The following POSTN variants were observed in gnomAD, a reference collection of about 807,000 sequenced individuals.
POSTN encodes the protein osteoblast specific factor 2 (fasciclin I-like).
A neutral mutation model predicts 104.5 loss-of-function variants in POSTN; 71 were observed. That is an observed-to-expected ratio of 0.68 (90% CI 0.56 to 0.83). The LOEUF (loss-of-function observed/expected upper bound fraction) is 0.83. Ranked by LOEUF, POSTN falls within the 40% of genes least tolerant of loss-of-function variation. The pLI is 0.00. For missense variants in POSTN, 949 were observed against 1,006.8 expected (o/e 0.94, Z 0.78); for synonymous variants, 355 against 340.7 (o/e 1.04, Z -0.46).
intron 3 of POSTN, among the ~76,000 whole-genome samples, chr13:37,591,546 T>C (rs1950935047): frequency 6.6e-6 from 1 of 152,122 alleles, no homozygotes; most frequent in Non-Finnish European, 1.5e-5. Flanking sequence ...AAAGTCTGTG[T>C]CATATTAAAA....
rs1198306087 is a variant in POSTN at position 37,588,006 on chromosome 13, T to C, written c.442-20A>G. The C allele has an allele frequency of 6.4e-7, 1 of 1,559,732 alleles. No homozygotes were observed. The highest frequency in any genetic ancestry group is 2.3e-5 in the East Asian group (1 of 43,772). ...GATATCCTAGGAAAAATTGCAATGATAGAAATTCAATTTATTGTGGAACAT... is the reference window on the plus strand; with the variant it reads ...GATATCCTAGGAAAAATTGCAATGACAGAAATTCAATTTATTGTGGAACAT... On this transcript the variant is annotated intron_variant, in intron 4 of 22. Coordinates refer to ENST00000379747, the MANE Select transcript of POSTN (RefSeq NM_006475.3).
chr13:37,577,514 T>C, intron 16 of POSTN, among the ~76,000 whole-genome samples: 1 of 152,358 alleles, frequency 6.6e-6, no homozygotes, highest in East Asian at 1.9e-4. Flanking sequence ...ACGCTAATAT[T>C]ATATTTTGCT....
intron 3 of POSTN, among the ~76,000 whole-genome samples, chr13:37,590,822 T>C (rs1217336147): frequency 6.6e-6 from 1 of 152,190 alleles, no homozygotes; most frequent in African/African-American, 2.4e-5. Flanking sequence ...TCAATAATAA[T>C]TCAATTATAA....
rs772494723 is a variant in POSTN, at chr13:37,574,642, A to G, written c.2019T>C (p.Ile673=). The G allele has an allele frequency of 5.0e-6, 8 of 1,598,040 alleles. No individual in the cohort carries two copies. In the South Asian group the frequency reaches 5.7e-5, roughly 11 times the overall value. The change falls in exon 17 of 23, where the codon ATT becomes ATC. Residue 673 remains isoleucine, a synonymous_variant. Transcript: ENST00000379747. ...TTTTTGGTTCCACAACTTTGGTTAT[A>G]ATTTTAGTTGCTGAAAGTATAGAAA... is the stretch of plus-strand genomic sequence containing the variant. ...EIPVTVYTTK[I]ITKVVEPKIK...
chr13:37,569,065 T>C, intron 21 of POSTN: 1 of 306,510 alleles, frequency 3.3e-6, no homozygotes, highest in East Asian at 5.4e-5. Flanking sequence ...AAAAAAATAT[T>C]CATTGCTCCC....
rs377143230 is a variant in POSTN at position 37,584,951 on chromosome 13, G to T, written c.896-23C>A. Reference sequence around the variant, plus strand: ...GAGCTGGAGAACACAATAAAAACAGGTAGCTTTCAGATCAAGGGAAATAAC... The same window carrying T: ...GAGCTGGAGAACACAATAAAAACAGTTAGCTTTCAGATCAAGGGAAATAAC... On this transcript the variant is annotated intron_variant, in intron 7 of 22. Transcript: ENST00000379747. 6.5e-5 allele frequency: 104 copies of T among 1,611,260 alleles called. No individual in the cohort carries two copies. In the South Asian group the frequency reaches 1.1e-3, roughly 17 times the overall value.
In POSTN at chr13:37,592,079, T is replaced by C. The variant is rs760480765; in HGVS notation, c.283+21A>G. 19 of 1,561,806 alleles carry C rather than the reference T, an allele frequency of 1.2e-5. No homozygotes were observed. The East Asian group carries it at 4.0e-4, about 33-fold the overall frequency. The stretch of plus-strand genomic sequence containing the variant: ...TCTTTGCATATAATTCCTTATTTAA[T>C]TCAAAAAATTGAGATTTTACCTGCT... On this transcript the variant is annotated intron_variant, in intron 3 of 22. Transcript: ENST00000379747.
At chr13:37,588,208 A>G (rs1313739087) in intron 4 of POSTN, among the ~76,000 whole-genome samples, 5 of 152,158 alleles carry the variant, frequency 3.3e-5, no homozygotes, top group Non-Finnish European at 7.4e-5. Context: ...AGTACTTAGA[A>G]CACAATTTTT....
At chr13:37,593,962 A>G (rs569091459) in intron 2 of POSTN, among the ~76,000 whole-genome samples, 8 of 151,938 alleles carry the variant, frequency 5.3e-5, no homozygotes, top group East Asian at 3.9e-4. Flanking sequence ...TAGATAGCTA[A>G]AAATACAGAC....
chr13:37,593,191 G>A (rs1950993840), intron 2 of POSTN, among the ~76,000 whole-genome samples: 1 of 150,334 alleles, frequency 6.7e-6, no homozygotes, highest in African/African-American at 2.4e-5. Flanking sequence ...AAGATATCAC[G>A]ATATACAAAA....
At position 37,570,036 on chromosome 13, in the gene POSTN, C is replaced by T. The variant is rs199691415; in HGVS notation, c.2270-215G>A. On this transcript the variant is annotated intron_variant, in intron 19 of 22. Transcript: ENST00000379747. ...ACTTTATTTCCATAAATGGGTGGCA[C>T]AAGCCACACTTGCTCACTAATTGTT... is the stretch of plus-strand genomic sequence containing the variant. Among the ~76,000 whole-genome samples the T allele has an allele frequency of 2.8e-3, 432 of 151,986 alleles. 1 individual carries two copies. Among genetic ancestry groups the T allele is most frequent in the African/African-American group, 9.9e-3 (413 of 41,516 alleles).
intron 22 of POSTN, among the ~76,000 whole-genome samples, chr13:37,563,873 G>A (rs773905711): frequency 2.0e-5 from 3 of 151,910 alleles, no homozygotes; most frequent in African/African-American, 7.2e-5. Context: ...GATAACTTAA[G>A]TGGAGGAATT....
At chr13:37,574,090 G>T (rs1301308751) in intron 17 of POSTN, among the ~76,000 whole-genome samples, 12 of 151,236 alleles carry the variant, frequency 7.9e-5, no homozygotes, top group African/African-American at 2.7e-4. Flanking sequence ...TCTCATGCGT[G>T]GTTGTAATTT....
At chr13:37,570,194 C>T (rs946405628) in intron 19 of POSTN, among the ~76,000 whole-genome samples, 2 of 151,922 alleles carry the variant, frequency 1.3e-5, no homozygotes, top group South Asian at 4.1e-4. Flanking sequence ...TTTGTATAAA[C>T]TTGCTTCTAT....
rs539317702 is a variant in POSTN, at chr13:37,576,830, C to A, written c.2008+923G>T. On this transcript the variant is annotated intron_variant, in intron 16 of 22. Coordinates refer to ENST00000379747, the MANE Select transcript of POSTN (RefSeq NM_006475.3). ...ATTGCATAATTGAAATCAACAACAG[C>A]AGCAGACATTTTGTTTTGCTCCTTA... Among the ~76,000 whole-genome samples, 31 of 152,034 alleles carry A rather than the reference C, an allele frequency of 2.0e-4. No homozygotes were observed. The South Asian group carries it at 6.4e-3, about 32-fold the overall frequency.
At chr13:37,580,068 A>G in intron 11 of POSTN, 77 bp from the exon 12 acceptor site, 1 of 1,337,748 alleles carries the variant, frequency 7.5e-7, no homozygotes, top group Non-Finnish European at 1.0e-6. Flanking sequence ...GTAATAGAAT[A>G]GAATCCATGT....
Position 37,569,281 on chromosome 13 carries a change from T to C in POSTN, c.2431+19A>G. On this transcript the variant is annotated intron_variant, in intron 21 of 22. Coordinates refer to ENST00000379747, the MANE Select transcript of POSTN (RefSeq NM_006475.3). ...CACTAGAACCTGTTAAGGGGGTTAGTTGTTGTCCTTTTACTAACCTCCCTG... is the reference window on the plus strand; with the variant it reads ...CACTAGAACCTGTTAAGGGGGTTAGCTGTTGTCCTTTTACTAACCTCCCTG... 1 of 1,579,296 alleles carries C rather than the reference T, an allele frequency of 6.3e-7. No homozygotes were observed. The highest frequency in any genetic ancestry group is 1.1e-5 in the South Asian group (1 of 90,192).
intron 18 of POSTN, chr13:37,570,908 C>T (rs553673949): frequency 1.0e-5 from 4 of 391,982 alleles, no homozygotes; most frequent in African/African-American, 8.1e-5. Flanking sequence ...CTCTCCATGT[C>T]ATACTTGTTT....
chr13:37,593,210 T>C (rs1172410114), intron 2 of POSTN, among the ~76,000 whole-genome samples: 1 of 150,634 alleles, frequency 6.6e-6, no homozygotes, highest in Non-Finnish European at 1.5e-5. Flanking sequence ...AAAATAAGTT[T>C]ATCTAATTTA....
Sources: allele counts gnomAD v4.1 joint callset (sites outside exome capture counted in the v4.1 genomes callset), GRCh38; gene constraint gnomAD v4.1.1; transcripts MANE v1.5; gene names NCBI Gene and HGNC (gene_info 2026-07-23, HGNC 2026-07-21).